The following FAM114A1 variants were observed in gnomAD, a reference collection of about 807,000 sequenced individuals.
The protein encoded by FAM114A1 is family with sequence similarity 114 member A1.
FAM114A1 carries 62 observed loss-of-function variants against 64.3 expected under a neutral mutation model. The ratio of observed to expected loss-of-function variants is 0.96; its 90% confidence interval spans 0.79 to 1.19. The LOEUF (loss-of-function observed/expected upper bound fraction) is 1.19, where lower values mean the gene tolerates loss of function less well. Among genes scored for constraint, FAM114A1 ranks in the 50% most tolerant of loss-of-function variants. The pLI is 0.00. For synonymous variants in FAM114A1, 254 were observed against 251.1 expected, an observed-to-expected ratio of 1.01 and a Z score of -0.11; for missense variants, 645 against 676.3, an observed-to-expected ratio of 0.95 and a Z score of 0.51.
At chr4:38,878,572 AT>A in intron 3 of FAM114A1, 146 bp downstream of exon 3, 1 of 556,124 alleles carries the variant, frequency 1.8e-6, no homozygotes, top group Non-Finnish European at 3.1e-6. Context: ...GTGTAGTGAG[AT>A]TAGACATATA....
At chr4:38,919,905 G>A (rs1360526720) in intron 8 of FAM114A1, among the ~76,000 whole-genome samples, 1 of 152,100 alleles carries the variant, frequency 6.6e-6, no homozygotes, top group Non-Finnish European at 1.5e-5. Flanking sequence ...TTTGATAAAG[G>A]TTAAAGAGAA....
chr4:38,940,483 A>C (rs1721501311), intron 13 of FAM114A1, among the ~76,000 whole-genome samples: 1 of 152,156 alleles, frequency 6.6e-6, no homozygotes, highest in African/African-American at 2.4e-5. Context: ...ACAGAAAAAA[A>C]CCTCAGGAAT....
At chr4:38,883,693 A>G (rs940941973) in intron 3 of FAM114A1, among the ~76,000 whole-genome samples, 2 of 152,266 alleles carry the variant, frequency 1.3e-5, no homozygotes, top group Non-Finnish European at 2.9e-5. Flanking sequence ...AGTAGGGGAC[A>G]CAGGCTGAGA....
intron 10 of FAM114A1, among the ~76,000 whole-genome samples, chr4:38,930,407 G>T (rs1720534243): frequency 6.6e-6 from 1 of 152,102 alleles, no homozygotes; most frequent in African/African-American, 2.4e-5. Context: ...TCTGATGGGG[G>T]TCACTGATTC....
At chr4:38,924,765 C>A (rs1719949494) in intron 9 of FAM114A1, among the ~76,000 whole-genome samples, 1 of 152,162 alleles carries the variant, frequency 6.6e-6, no homozygotes, top group Non-Finnish European at 1.5e-5. Context: ...TGTCAAAGGT[C>A]ATGTAGCTCG....
At chr4:38,905,911 C>CTTTTGATAT in intron 6 of FAM114A1, 50 bp downstream of exon 6, 1 of 1,504,944 alleles carries the variant, frequency 6.6e-7, no homozygotes. Context: ...CCAGGGCCTT[C>CTTTTGATAT]TTTTGATATT....
intron 8 of FAM114A1, among the ~76,000 whole-genome samples, chr4:38,917,014 G>C (rs1719116599): frequency 2.0e-5 from 3 of 152,002 alleles, no homozygotes; most frequent in Non-Finnish European, 4.4e-5. Flanking sequence ...TCTAGAAAAT[G>C]CAGTTCTTAG....
Position 38,891,844 on chromosome 4 carries a change from G to T in FAM114A1, c.436+14G>T. Reference sequence around the variant, plus strand: ...CTGCCACAGTAGGTAAGCATTGTATGTTGCATTGGAATAGACAAAGTACCA... The same window carrying T: ...CTGCCACAGTAGGTAAGCATTGTATTTTGCATTGGAATAGACAAAGTACCA... On this transcript the variant is annotated intron_variant, in intron 4 of 14. Coordinates refer to ENST00000358869, the MANE Select transcript of FAM114A1 (RefSeq NM_138389.4). 6.2e-7 allele frequency: 1 copy of T among 1,601,330 alleles called. No individual in the cohort carries two copies. Among genetic ancestry groups the T allele is most frequent in the Non-Finnish European group, 8.5e-7 (1 of 1,173,912 alleles).
At chr4:38,868,848 C>T (rs1298350279) in intron 2 of FAM114A1, among the ~76,000 whole-genome samples, 2 of 152,280 alleles carry the variant, frequency 1.3e-5, no homozygotes, top group East Asian at 1.9e-4. Flanking sequence ...GGCCTGCGTC[C>T]CCGCCCTCCT....
At chr4:38,892,277 G>A (rs1291898198) in intron 4 of FAM114A1, among the ~76,000 whole-genome samples, 1 of 152,158 alleles carries the variant, frequency 6.6e-6, no homozygotes, top group East Asian at 1.9e-4. Flanking sequence ...TTCATTAGCA[G>A]GATATTACAA....
intron 6 of FAM114A1, among the ~76,000 whole-genome samples, chr4:38,908,238 T>G (rs1486150100): frequency 6.6e-6 from 1 of 152,212 alleles, no homozygotes; most frequent in African/African-American, 2.4e-5. Context: ...TATGTTAATT[T>G]TATGTCTTAG....
At chr4:38,921,421 C>A (rs534125641) in intron 8 of FAM114A1, among the ~76,000 whole-genome samples, 1 of 151,844 alleles carries the variant, frequency 6.6e-6, no homozygotes, top group Non-Finnish European at 1.5e-5. Flanking sequence ...GCATTCCTGG[C>A]TAATTTTCTT....
At chr4:38,873,598 G>C (rs1714315642) in intron 2 of FAM114A1, among the ~76,000 whole-genome samples, 2 of 152,298 alleles carry the variant, frequency 1.3e-5, no homozygotes, top group South Asian at 4.1e-4. Flanking sequence ...CCTCAGAAGG[G>C]TTCAGAAGGA....
chr4:38,917,947 T>C (rs1313107880), intron 8 of FAM114A1, among the ~76,000 whole-genome samples: 1 of 152,014 alleles, frequency 6.6e-6, no homozygotes, highest in Admixed American at 6.6e-5. Flanking sequence ...CCAGGCGCGG[T>C]GACTCACGCC....
intron 6 of FAM114A1, among the ~76,000 whole-genome samples, chr4:38,907,384 C>T (rs1221244083): frequency 2.6e-5 from 4 of 152,178 alleles, no homozygotes; most frequent in Non-Finnish European, 5.9e-5. Context: ...GTGTTCTCTC[C>T]AACCTTCTTG....
intron 4 of FAM114A1, among the ~76,000 whole-genome samples, chr4:38,898,880 C>T (rs1056439219): frequency 6.7e-5 from 10 of 150,094 alleles, no homozygotes; most frequent in African/African-American, 2.4e-4. Flanking sequence ...ATAGAAGAGT[C>T]TGAAACACAG....
chr4:38,898,602 A>G (rs527356052), intron 4 of FAM114A1, among the ~76,000 whole-genome samples: 30 of 152,350 alleles, frequency 2.0e-4, no homozygotes, highest in African/African-American at 7.2e-4. Flanking sequence ...AATAAAACAC[A>G]GGGGTTAATG....
At chr4:38,920,852 A>G (rs562314353) in intron 8 of FAM114A1, among the ~76,000 whole-genome samples, 2 of 152,204 alleles carry the variant, frequency 1.3e-5, no homozygotes, top group Non-Finnish European at 2.9e-5. Context: ...GCGTGCAGCC[A>G]TGAGTCTGGG....
chr4:38,905,605 C>T lies in FAM114A1; in HGVS notation c.520C>T (p.Gln174Ter). The T allele has an allele frequency of 6.2e-7, 1 of 1,614,154 alleles. No homozygotes were observed. The highest frequency in any genetic ancestry group is 8.5e-7 in the Non-Finnish European group (1 of 1,180,014). Reference protein sequence around the residue: ...GVNSGSSEGAQPNTENGVPEI... With the variant: ...GVNSGSSEGA ...AAATTCTGGATCTTCTGAAGGAGCC[C>T]AACCAAATACTGAAAACGGAGTCCC... Residue 174 changes from glutamine (Q) to a stop codon, truncating the protein, a stop_gained, in exon 5 of 15, where the codon CAA becomes TAA. Coordinates refer to ENST00000358869, the MANE Select transcript of FAM114A1 (RefSeq NM_138389.4). LOFTEE classifies it high-confidence loss of function.
Sources: allele counts gnomAD v4.1 joint callset (sites outside exome capture counted in the v4.1 genomes callset), GRCh38; gene constraint gnomAD v4.1.1; transcripts MANE v1.5; gene names NCBI Gene and HGNC (gene_info 2026-07-23, HGNC 2026-07-21).